The following ANO5 variants were observed in gnomAD, a reference collection of about 807,000 sequenced individuals.
ANO5 encodes anoctamin 5.
A neutral mutation model predicts 121.0 loss-of-function variants in ANO5; 109 were observed. The ratio of observed to expected loss-of-function variants is 0.90; its 90% CI spans 0.77 to 1.06. The LOEUF (loss-of-function observed/expected upper bound fraction) is 1.06, where lower values mean the gene tolerates loss of function less well. Ranked by LOEUF, ANO5 falls within the 50% of genes least tolerant of loss-of-function variation. The pLI is 0.00. For synonymous variants in ANO5, 406 were observed against 359.9 expected (o/e 1.13, Z -1.45); for missense variants, 1,064 against 1,078.5 (o/e 0.99, Z 0.19).
At chr11:22,271,083 C>T (rs1470354664) in intron 18 of ANO5, among the ~76,000 whole-genome samples, 1 of 152,128 alleles carries the variant, frequency 6.6e-6, no homozygotes, top group Non-Finnish European at 1.5e-5. Context: ...GACAGAGTCT[C>T]GCTCTGTCGC....
chr11:22,240,879 T>G (rs960585594), intron 9 of ANO5, among the ~76,000 whole-genome samples: 12 of 152,000 alleles, frequency 7.9e-5, no homozygotes, highest in African/African-American at 2.9e-4. Context: ...ATTCACTAAA[T>G]AGTATATTAC....
rs771965186 is a variant in ANO5 at position 22,226,029 on chromosome 11, G to C, written c.340G>C (p.Glu114Gln). Residue 114 changes from glutamate to glutamine, a missense_variant, in exon 6 of 22, where the codon GAG becomes CAG. Transcript: ENST00000324559. ...AACTAATCTCAGAAAAACAGGTCTTGAGTTGGAAATAGAAGACAAAAGGGT... is the reference window on the plus strand; with the variant it reads ...AACTAATCTCAGAAAAACAGGTCTTCAGTTGGAAATAGAAGACAAAAGGGT... ...FETNLRKTGL[E>Q]LEIEDKRDSE... 19 of 1,608,692 alleles carry C rather than the reference G, an allele frequency of 1.2e-5. No individual in the cohort carries two copies. The highest frequency in any genetic ancestry group is 1.6e-5 in the Non-Finnish European group (19 of 1,175,772).
Position 22,282,780 on chromosome 11 carries a change from A to G in ANO5, c.*3015A>G, listed in dbSNP as rs1319306689. 6.6e-6 allele frequency: 1 copy of G among 152,192 alleles called. No homozygotes were observed. The highest frequency in any genetic ancestry group is 1.5e-5 in the Non-Finnish European group (1 of 68,020). The allele number at this position is 152,192 out of a possible 1,614,324, so 9.4% of individuals were successfully genotyped here. A position where few individuals can be genotyped will look rare whatever the true frequency, so the allele number is the denominator to read the frequency against. ...TATGAGTAGGTATGGATCTCTGTTG[A>G]TTGACTCCAGTTGAAGGTGAGAAAT... On this transcript the variant is annotated 3_prime_UTR_variant, in exon 22 of 22. Transcript: ENST00000324559.
chr11:22,235,466 C>T (rs1564928096), intron 7 of ANO5, among the ~76,000 whole-genome samples: 2 of 151,340 alleles, frequency 1.3e-5, no homozygotes, highest in African/African-American at 4.9e-5. Context: ...ATCAAAAAGT[C>T]CTTGAATGGT....
In ANO5 at chr11:22,269,781, T is replaced by C. The variant is rs1424291982; in HGVS notation, c.1899-531T>C. Among the ~76,000 whole-genome samples, 3 of 152,192 alleles carry C rather than the reference T, an allele frequency of 2.0e-5. No individual in the cohort carries two copies. In the East Asian group the frequency reaches 5.8e-4, roughly 29 times the overall value. The stretch of plus-strand genomic sequence containing the variant: ...CCAGTCAATGTGATATATTTATTGA[T>C]TTGCTAATTTTTCTTTCTTAAAAAG... On this transcript the variant is annotated intron_variant, in intron 17 of 21. Transcript: ENST00000324559.
chr11:22,249,516 T>C, intron 9 of ANO5, among the ~76,000 whole-genome samples: 1 of 152,092 alleles, frequency 6.6e-6, no homozygotes, highest in East Asian at 1.9e-4. Flanking sequence ...CCTGACTTTC[T>C]GAGGAGGAGA....
At chr11:22,256,204 G>A (rs1034358891) in intron 13 of ANO5, among the ~76,000 whole-genome samples, 1 of 152,046 alleles carries the variant, frequency 6.6e-6, no homozygotes, top group African/African-American at 2.4e-5. Context: ...TGCCTTTAAA[G>A]ACCAGAATCT....
chr11:22,203,849 A>G lies in ANO5; in HGVS notation c.86A>G (p.Glu29Gly). ...KHIDYSFQMS[E>G]QSLSSRETSF... ...ATAGACTACTCTTTCCAAATGAGTG[A>G]GGTAAGTTAAATATATATGCATTAA... is the stretch of plus-strand genomic sequence containing the variant. The change falls in exon 2 of 22, where the codon GAG (glutamate) becomes GGG (glycine). Residue 29 changes from glutamate (E) to glycine (G), a missense_variant and splice_region_variant. Transcript: ENST00000324559. The G allele has an allele frequency of 6.8e-7, 1 of 1,468,336 alleles. No homozygotes were observed. The allele number at this position is 1,468,336 out of a possible 1,614,324, so 91.0% of individuals were successfully genotyped here.
chr11:22,272,302 G>GCACACACACACA (rs60487083), intron 18 of ANO5, among the ~76,000 whole-genome samples: 3,304 of 134,514 alleles, frequency 0.025, 74 homozygotes, highest in East Asian at 0.036. Flanking sequence ...TCCTTTTCCG[G>GCACACACACACA]CACACACACA....
intron 2 of ANO5, among the ~76,000 whole-genome samples, chr11:22,207,358 T>C (rs1852151354): frequency 6.6e-6 from 1 of 152,138 alleles, no homozygotes; most frequent in Admixed American, 6.6e-5. Flanking sequence ...TGTAGATTAA[T>C]GAAACAGAAT....
chr11:22,254,137 CAAAA>C (rs960632985), intron 12 of ANO5, among the ~76,000 whole-genome samples: 3 of 151,260 alleles, frequency 2.0e-5, no homozygotes, highest in African/African-American at 7.3e-5. Context: ...AATAAACAAA[CAAAA>C]AAACAACAGT....
In ANO5 at chr11:22,279,528, T is replaced by A. The variant is rs752000476; in HGVS notation, c.2521-16T>A. 31 of 1,597,202 alleles carry A rather than the reference T, an allele frequency of 1.9e-5. No individual in the cohort carries two copies. The highest frequency in any genetic ancestry group is 2.7e-5 in the Non-Finnish European group (31 of 1,166,228). ...ACCTCTAACAGCGTCTAATCTTTCC[T>A]TTATATTTCCTCTAGCATGTTGTGT... On this transcript the variant is annotated splice_polypyrimidine_tract_variant and intron_variant, in intron 21 of 21. Transcript: ENST00000324559.
Position 22,250,416 on chromosome 11 carries a change from T to C in ANO5, c.1013+45T>C, listed in dbSNP as rs568101370. ...CCAGATAGAGAAAACATCTTTATCT[T>C]GTGCCAAATGAAGTTGTTGTTATTA... On this transcript the variant is annotated intron_variant, in intron 10 of 21. Coordinates refer to ENST00000324559, the MANE Select transcript of ANO5 (RefSeq NM_213599.3). 39 of 1,606,894 alleles carry C rather than the reference T, an allele frequency of 2.4e-5. No homozygotes were observed. The South Asian group carries it at 3.8e-4, about 15-fold the overall frequency.
At chr11:22,241,647 T>C (rs1021318610) in intron 9 of ANO5, among the ~76,000 whole-genome samples, 1 of 152,106 alleles carries the variant, frequency 6.6e-6, no homozygotes, top group Non-Finnish European at 1.5e-5. Flanking sequence ...GGATTAGTGA[T>C]GATGAGCATT....
intron 4 of ANO5, among the ~76,000 whole-genome samples, chr11:22,218,913 C>A (rs1852550334): frequency 6.6e-6 from 1 of 151,952 alleles, no homozygotes; most frequent in African/African-American, 2.4e-5. Context: ...TACAGAGAAG[C>A]CACTCAGATG....
intron 1 of ANO5, among the ~76,000 whole-genome samples, chr11:22,195,655 C>T (rs12223530): frequency 0.15 from 22,140 of 152,106 alleles, 1,846 homozygotes; most frequent in Admixed American, 0.25. Flanking sequence ...TGGTCTTGAA[C>T]TCCACAGCTC....
rs7947169 is a variant in ANO5, at chr11:22,263,827, G to A, written c.1898+784G>A. 9.4e-3 allele frequency among the ~76,000 whole-genome samples: 1,423 copies of A among 152,054 alleles called. 22 individuals carry two copies. The highest frequency in any genetic ancestry group is 0.032 in the African/African-American group (1,337 of 41,480). Reference sequence around the variant, plus strand: ...AGAGACTGGGTTTATTCTCACTCATGAAAGAAGACTGAAAACACCATCCCT... The same window carrying A: ...AGAGACTGGGTTTATTCTCACTCATAAAAGAAGACTGAAAACACCATCCCT... On this transcript the variant is annotated intron_variant, in intron 17 of 21. Transcript: ENST00000324559.
At chr11:22,265,901 T>C (rs1050313481) in intron 17 of ANO5, among the ~76,000 whole-genome samples, 2 of 152,150 alleles carry the variant, frequency 1.3e-5, no homozygotes, top group African/African-American at 2.4e-5. Flanking sequence ...TATAAACTAA[T>C]GGAATGGAGT....
intron 17 of ANO5, among the ~76,000 whole-genome samples, chr11:22,267,316 C>A (rs1391815615): frequency 6.6e-6 from 1 of 151,518 alleles, no homozygotes. Flanking sequence ...AGATACAAGT[C>A]TGTTTTTTAC....
Sources: allele counts gnomAD v4.1 joint callset (sites outside exome capture counted in the v4.1 genomes callset), GRCh38; gene constraint gnomAD v4.1.1; transcripts MANE v1.5; gene names NCBI Gene and HGNC (gene_info 2026-07-23, HGNC 2026-07-21).